The following C20orf202 variants were observed in gnomAD, a reference collection of about 807,000 sequenced individuals.
The protein encoded by C20orf202 is uncharacterized protein C20orf202.
In C20orf202, 5 loss-of-function variants were observed where a neutral mutation model predicts 5.3. The observed-to-expected ratio is 0.94, with a 90% CI of 0.49 to 1.98. C20orf202 has a LOEUF of 1.98. Among genes scored for constraint, C20orf202 ranks in the 30% most tolerant of loss-of-function variants. The pLI, the probability that C20orf202 is intolerant of heterozygous loss-of-function variation, is 0.01. For synonymous variants in C20orf202, 48 were observed against 50.0 expected, an observed-to-expected ratio of 0.96 and a Z score of 0.16; for missense variants, 135 against 123.5, an observed-to-expected ratio of 1.09 and a Z score of -0.44.
At chr20:1,203,724 G>A in intron 1 of C20orf202, 73 bp downstream of exon 1, 4 of 1,480,766 alleles carry the variant, frequency 2.7e-6, no homozygotes, top group Non-Finnish European at 3.6e-6. Context: ...TTCCTTCCCG[G>A]GTCCCCCCTG....
At chr20:1,205,546 A>G (rs1266069282) in intron 1 of C20orf202, among the ~76,000 whole-genome samples, 3 of 152,218 alleles carry the variant, frequency 2.0e-5, no homozygotes, top group Non-Finnish European at 4.4e-5. Context: ...AATAATGTTC[A>G]TAAGTATCTC....
intron 1 of C20orf202, 112 bp from the exon 2 acceptor site, chr20:1,206,757 G>A (rs751468445): frequency 3.2e-6 from 2 of 622,404 alleles, no homozygotes; most frequent in Non-Finnish European, 5.3e-6. Flanking sequence ...CTTCTGTGAG[G>A]CTGTGCGAAT....
At chr20:1,205,157 G>A (rs933192249) in intron 1 of C20orf202, among the ~76,000 whole-genome samples, 1 of 149,922 alleles carries the variant, frequency 6.7e-6, no homozygotes, top group African/African-American at 2.5e-5. Context: ...CCAGGCTGGA[G>A]TGTAGTGGCA....
chr20:1,205,267 G>A (rs2087127022), intron 1 of C20orf202, among the ~76,000 whole-genome samples: 1 of 152,030 alleles, frequency 6.6e-6, no homozygotes, highest in East Asian at 1.9e-4. Context: ...CACCACGGCT[G>A]GCTAATTTTT....
chr20:1,208,800 T>C lies in C20orf202; in HGVS notation c.*1698T>C, dbSNP rs1157702852. Among the ~76,000 whole-genome samples, 1 of 152,060 alleles carries C rather than the reference T, an allele frequency of 6.6e-6. No homozygotes were observed. Among genetic ancestry groups the C allele is most frequent in the Non-Finnish European group, 1.5e-5 (1 of 68,028 alleles). ...CCTCCTCCCCTGAAGTGTGGGTCCCTGCCTTACCTACCTGGCCCTTTCCTG... is the reference window on the plus strand; with the variant it reads ...CCTCCTCCCCTGAAGTGTGGGTCCCCGCCTTACCTACCTGGCCCTTTCCTG... On this transcript the variant is annotated 3_prime_UTR_variant, in exon 2 of 2. Coordinates refer to ENST00000400633, the MANE Select transcript of C20orf202 (RefSeq NM_001394958.1).
chr20:1,204,106 G>A (rs1443877219), intron 1 of C20orf202, among the ~76,000 whole-genome samples: 2 of 152,066 alleles, frequency 1.3e-5, no homozygotes, highest in African/African-American at 2.4e-5. Flanking sequence ...ATGGACATGC[G>A]TACACCCAAT....
At position 1,207,057 on chromosome 20, in the gene C20orf202, C is replaced by G. The variant is rs1171875251; in HGVS notation, c.255C>G (p.Ala85=). 3 of 1,536,870 alleles carry G rather than the reference C, an allele frequency of 2.0e-6. No homozygotes were observed. The African/African-American group carries it at 4.1e-5, about 21-fold the overall frequency. Residue 85 remains alanine (A), a synonymous_variant, in exon 2 of 2, where the codon GCC becomes GCG. Coordinates refer to ENST00000400633, the MANE Select transcript of C20orf202 (RefSeq NM_001394958.1). ...AGCCGGTTTGCTCAAGGGGTCTGGC[C>G]CAGCTCCTCCGAGGGGAAGACAGCA... The part of the protein sequence containing the change: ...GCQPVCSRGL[A]QLLRGEDSRR...
At chr20:1,206,174 C>A (rs2087130859) in intron 1 of C20orf202, among the ~76,000 whole-genome samples, 1 of 152,118 alleles carries the variant, frequency 6.6e-6, no homozygotes, top group South Asian at 2.1e-4. Flanking sequence ...AGTTCTAATG[C>A]AGCAGTTCTC....
rs529757520 is a variant in C20orf202, at chr20:1,206,890, CAG to C, written c.91_92del (p.Leu32ProfsTer73). On this transcript the variant is annotated frameshift_variant, in exon 2 of 2. Transcript: ENST00000400633. LOFTEE classifies it low-confidence loss of function (END_TRUNC). The stretch of plus-strand genomic sequence containing the variant: ...CTAGTCTGAGATGCAGATTCAAGAT[CAG>C]AGTCTCCTGCTCACACTGAGGCATC... ...KELSEMQIQD[Q>X]SLLLTLRHLH... is the part of the protein sequence containing the mutation. 2.7e-3 allele frequency: 4,151 copies of C among 1,542,292 alleles called. 9 individuals are homozygous for C. Among genetic ancestry groups the C allele is most frequent in the Non-Finnish European group, 3.5e-3 (3,967 of 1,140,184 alleles).
chr20:1,206,075 A>G (rs1274603653), intron 1 of C20orf202, among the ~76,000 whole-genome samples: 3 of 152,126 alleles, frequency 2.0e-5, no homozygotes, highest in African/African-American at 7.2e-5. Flanking sequence ...ATAAATAAAT[A>G]AACAGAAAGA....
Position 1,203,556 on chromosome 20 carries a change from A to G in C20orf202, c.-30A>G, listed in dbSNP as rs1296040462. ...GATCCCTCGGGCCCAGAACCAGGTC[A>G]GTGTCAAGGTCACTCCTAAGAACAC... On this transcript the variant is annotated 5_prime_UTR_variant, in exon 1 of 2. Transcript: ENST00000400633. 1.9e-6 allele frequency: 3 copies of G among 1,551,344 alleles called. No individual in the cohort carries two copies. Among genetic ancestry groups the G allele is most frequent in the Non-Finnish European group, 2.6e-6 (3 of 1,146,874 alleles).
intron 1 of C20orf202, among the ~76,000 whole-genome samples, chr20:1,205,208 T>C (rs1317859297): frequency 6.6e-6 from 1 of 151,372 alleles, no homozygotes; most frequent in African/African-American, 2.4e-5. Context: ...TGGGTTCAAG[T>C]GATTCCCCTG....
At position 1,207,512 on chromosome 20, in the gene C20orf202, G is replaced by A. The variant is rs1262870618; in HGVS notation, c.*410G>A. 2 of 156,326 alleles carry A rather than the reference G, an allele frequency of 1.3e-5. No individual in the cohort carries two copies. Among genetic ancestry groups the A allele is most frequent in the Non-Finnish European group, 2.8e-5 (2 of 71,002 alleles). The allele number at this position is 156,326 out of a possible 1,614,324, so 9.7% of individuals were successfully genotyped here. A position where few individuals can be genotyped will look rare whatever the true frequency, so the allele number is the denominator to read the frequency against. Reference sequence around the variant, plus strand: ...TCCAACCCCTGTGTAGTGACTTAGTGGCTGTTTTCTGTCTTCCCAGGAAGC... The same window carrying A: ...TCCAACCCCTGTGTAGTGACTTAGTAGCTGTTTTCTGTCTTCCCAGGAAGC... On this transcript the variant is annotated 3_prime_UTR_variant, in exon 2 of 2. Coordinates refer to ENST00000400633, the MANE Select transcript of C20orf202 (RefSeq NM_001394958.1).
In C20orf202 at chr20:1,203,626, C is replaced by G. The variant is rs959444713; in HGVS notation, c.41C>G (p.Thr14Ser). 6.5e-6 allele frequency: 10 copies of G among 1,550,152 alleles called. 1 individual carries two copies. The Admixed American group carries it at 1.2e-4, about 18-fold the overall frequency. Reference protein sequence around the residue: ...AEEPSPSLGQTLEWLRKELSE... With the variant: ...AEEPSPSLGQSLEWLRKELSE... ...GAGCCCAGCCCGAGTCTTGGGCAGACCTTGGAGTGGCTGAGAAAGGAGCTG... is the reference window on the plus strand; with the variant it reads ...GAGCCCAGCCCGAGTCTTGGGCAGAGCTTGGAGTGGCTGAGAAAGGAGCTG... Residue 14 changes from threonine (T) to serine (S), a missense_variant, in exon 1 of 2, where the codon ACC becomes AGC. Thr to Ser is a moderately conservative substitution (Grantham distance 58). Transcript: ENST00000400633.
intron 1 of C20orf202, among the ~76,000 whole-genome samples, chr20:1,204,874 A>C (rs1378557173): frequency 6.6e-6 from 1 of 152,160 alleles, no homozygotes; most frequent in Non-Finnish European, 1.5e-5. Context: ...TGCTCCCTGA[A>C]ACTGTGGGTG....
Position 1,206,994 on chromosome 20 carries a change from C to T in C20orf202, c.192C>T (p.Pro64=), listed in dbSNP as rs1442054467. The change falls in exon 2 of 2, where the codon CCC becomes CCT. Residue 64 remains proline (P), a synonymous_variant. Transcript: ENST00000400633. The stretch of plus-strand genomic sequence containing the variant: ...CCAGGTCCAGCGGAGGGACATCCCC[C>T]ATCAGAGCTCGAGCGGGCTCCGAAG... ...EDARSSGGTS[P]IRARAGSEGR... The T allele has an allele frequency of 1.3e-6, 2 of 1,551,556 alleles. No individual in the cohort carries two copies. The highest frequency in any genetic ancestry group is 1.2e-5 in the South Asian group (1 of 84,036).
chr20:1,203,794 C>T (rs1177865812), intron 1 of C20orf202, 143 bp downstream of exon 1: 1 of 922,350 alleles, frequency 1.1e-6, no homozygotes, highest in East Asian at 2.8e-5. Flanking sequence ...ACCTACCACA[C>T]AATGCACAAT....
chr20:1,204,726 C>G (rs2087124626), intron 1 of C20orf202, among the ~76,000 whole-genome samples: 1 of 152,194 alleles, frequency 6.6e-6, no homozygotes, highest in South Asian at 2.1e-4. Context: ...AACAGGCCAG[C>G]TGGGACCCAA....
At position 1,207,393 on chromosome 20, in the gene C20orf202, G is replaced by A. The variant is rs1437925737; in HGVS notation, c.*291G>A. ...TAGTGCTCTGGCAAGCACCATGGCA[G>A]TAACCCTATCCTTGGGAATTTTTCA... On this transcript the variant is annotated 3_prime_UTR_variant, in exon 2 of 2. Transcript: ENST00000400633. The A allele has an allele frequency of 6.7e-6, 2 of 297,372 alleles. No homozygotes were observed. The highest frequency in any genetic ancestry group is 4.3e-5 in the African/African-American group (2 of 46,698). 18.4% of individuals were successfully genotyped at this position (297,372 alleles called of 1,614,324 possible).
Sources: gnomAD v4.1 joint callset for allele counts (sites outside exome capture counted in the v4.1 genomes callset) on GRCh38, gnomAD v4.1.1 for gene constraint, MANE v1.5 for transcripts, NCBI Gene and HGNC (gene_info 2026-07-23, HGNC 2026-07-21) for gene names.